Variants in CNGB1 observed in about 807,000 individuals in gnomAD.
CNGB1 encodes cyclic nucleotide gated channel subunit beta 1.
Under a neutral mutation model 151.7 loss-of-function variants are expected in CNGB1, and 126 were observed. The observed-to-expected ratio is 0.83, with a 90% CI of 0.72 to 0.96. CNGB1 has a LOEUF of 0.96. CNGB1 is among the 40% of genes least tolerant of loss of function. CNGB1 has a pLI of 0.00. For missense variants in CNGB1, 1,698 were observed against 1,627.0 expected, an observed-to-expected ratio of 1.04 and a Z score of -0.75; for synonymous variants, 623 against 635.1, an observed-to-expected ratio of 0.98 and a Z score of 0.29.
intron 17 of CNGB1, among the ~76,000 whole-genome samples, chr16:57,925,409 A>G (rs1487492663): frequency 6.6e-6 from 1 of 152,238 alleles, no homozygotes; most frequent in Non-Finnish European, 1.5e-5. Context: ...TGGGCATAAC[A>G]TGGTAGTACA....
At chr16:57,923,219 T>TCCCCCCCCC in intron 18 of CNGB1, 54 bp downstream of exon 18, 1 of 923,462 alleles carries the variant, frequency 1.1e-6, no homozygotes, top group East Asian at 3.3e-5. Flanking sequence ...CCCCCCCACA[T>TCCCCCCCCC]CCCCCACCCT....
At chr16:57,924,879 C>A (rs1961143476) in intron 17 of CNGB1, among the ~76,000 whole-genome samples, 1 of 152,230 alleles carries the variant, frequency 6.6e-6, no homozygotes, top group African/African-American at 2.4e-5. Flanking sequence ...GAGCCTGTTT[C>A]TTTTGCCTTC....
chr16:57,915,314 G>T lies in CNGB1; in HGVS notation c.2239C>A (p.Pro747Thr), dbSNP rs974336687. 3 of 1,613,906 alleles carry T rather than the reference G, an allele frequency of 1.9e-6. No homozygotes were observed. In the African/African-American group the frequency reaches 4.0e-5, roughly 22 times the overall value. ...RFKMDLLSLLPLDFLYLKVGV... is the reference protein window; with the variant it reads ...RFKMDLLSLLTLDFLYLKVGV... ...ACTTTCAAATAGAGAAAATCCAAGGGCAGGAGGCTGAGCAGGTCCATCTGA... is the reference window on the plus strand; with the variant it reads ...ACTTTCAAATAGAGAAAATCCAAGGTCAGGAGGCTGAGCAGGTCCATCTGA... The change falls in exon 23 of 33, where the codon CCC (proline) becomes ACC (threonine). Residue 747 changes from proline (P) to threonine (T), a missense_variant. Physicochemically the swap from Pro to Thr is conservative, Grantham distance 38. Coordinates refer to ENST00000251102, the MANE Select transcript of CNGB1 (RefSeq NM_001297.5).
In CNGB1 at chr16:57,961,059, C is replaced by T. The variant is rs547563257; in HGVS notation, c.459-144G>A. ...GTGGGGGCCTTGTCCTGGAAACTCT[C>T]AAAGGGCCCCAAGCGGGTGGGGAAA... On this transcript the variant is annotated intron_variant, in intron 7 of 32. Transcript: ENST00000251102. 8.0e-6 allele frequency: 6 copies of T among 753,670 alleles called. No individual in the cohort carries two copies. The South Asian group carries it at 9.1e-5, about 11-fold the overall frequency. The allele number at this position is 753,670 out of a possible 1,614,324, so 46.7% of individuals were successfully genotyped here.
At chr16:57,920,627 G>C in intron 18 of CNGB1, 83 bp from the exon 19 acceptor site, 1 of 1,552,688 alleles carries the variant, frequency 6.4e-7, no homozygotes, top group Non-Finnish European at 8.8e-7. Flanking sequence ...CAGCGTCTGT[G>C]TCCCACCTTC....
intron 16 of CNGB1, among the ~76,000 whole-genome samples, chr16:57,933,534 G>A (rs1000923781): frequency 1.3e-5 from 2 of 152,146 alleles, no homozygotes; most frequent in Non-Finnish European, 2.9e-5. Context: ...TCCAAGCTCA[G>A]AGGATACTGA....
chr16:57,903,042 C>G (rs1238283629), intron 27 of CNGB1, among the ~76,000 whole-genome samples: 1 of 152,012 alleles, frequency 6.6e-6, no homozygotes, highest in African/African-American at 2.4e-5. Flanking sequence ...AGCTCTAGAG[C>G]TGCCCCAGGA....
At chr16:57,947,452 G>A (rs79581943) in intron 14 of CNGB1, among the ~76,000 whole-genome samples, 3,296 of 152,318 alleles carry the variant, frequency 0.022, 57 homozygotes, top group Non-Finnish European at 0.036. Context: ...CATCTTGCTG[G>A]GACTGCAGGG....
chr16:57,965,156 A>G (rs1314334470), intron 2 of CNGB1, among the ~76,000 whole-genome samples: 1 of 152,250 alleles, frequency 6.6e-6, no homozygotes, highest in Admixed American at 6.5e-5. Flanking sequence ...ACATGAACAG[A>G]CATACAATGT....
Position 57,897,378 on chromosome 16 carries a change from C to A in CNGB1, c.3242+19G>T. 6.2e-7 allele frequency: 1 copy of A among 1,612,524 alleles called. No individual in the cohort carries two copies. On this transcript the variant is annotated intron_variant, in intron 31 of 32. Transcript: ENST00000251102. ...TTGTCCTTAGCAATTTTTTATTAAA[C>A]GAAAGAAAAGTTACATACCTGGCTT...
intron 16 of CNGB1, among the ~76,000 whole-genome samples, chr16:57,938,555 CA>C: frequency 6.6e-6 from 1 of 152,172 alleles, no homozygotes; most frequent in Non-Finnish European, 1.5e-5. Context: ...ATTTGGAAGT[CA>C]TGGTTCAGAC....
Position 57,960,183 on chromosome 16 carries a change from GA to G in CNGB1, c.584-119del. ...CAGGACTGAATGGGGAGCCCTTTGG[GA>G]CCACCTCACCCATCCCAATCCTCAA... On this transcript the variant is annotated intron_variant, in intron 9 of 32. Transcript: ENST00000251102. The G allele has an allele frequency of 9.4e-6, 14 of 1,490,112 alleles. No individual in the cohort carries two copies. The South Asian group carries it at 1.8e-4, about 19-fold the overall frequency. 92.3% of individuals were successfully genotyped at this position (1,490,112 alleles called of 1,614,324 possible).
rs1309094782 is a variant in CNGB1 at position 57,955,479 on chromosome 16, T to G, written c.874+1862A>C. ...GAATGGGGAAGGTAAGGGACACATA[T>G]CCCCCAGCCTCTCAGAGTCTCCCCA... On this transcript the variant is annotated intron_variant, in intron 12 of 32. Coordinates refer to ENST00000251102, the MANE Select transcript of CNGB1 (RefSeq NM_001297.5). 3.3e-6 allele frequency: 3 copies of G among 900,294 alleles called. No homozygotes were observed. The Admixed American group carries it at 6.2e-5, about 19-fold the overall frequency. 55.8% of individuals were successfully genotyped at this position (900,294 alleles called of 1,614,324 possible).
chr16:57,933,632 C>G (rs1961421315), intron 16 of CNGB1, among the ~76,000 whole-genome samples: 1 of 152,146 alleles, frequency 6.6e-6, no homozygotes, highest in Non-Finnish European at 1.5e-5. Context: ...ACCAGCAAGG[C>G]AGGCAGGGAT....
At chr16:57,957,483 C>A in intron 11 of CNGB1, 106 bp from the exon 12 acceptor site, 1 of 918,634 alleles carries the variant, frequency 1.1e-6, no homozygotes, top group Non-Finnish European at 1.8e-6. Context: ...CTCTCCGGGC[C>A]TTAGTTGTCC....
At chr16:57,894,097 T>C (rs1960163161) in intron 31 of CNGB1, among the ~76,000 whole-genome samples, 2 of 152,198 alleles carry the variant, frequency 1.3e-5, no homozygotes, top group Admixed American at 1.3e-4. Context: ...ATGCACACGG[T>C]TATTCGTTGC....
chr16:57,931,994 C>A, intron 16 of CNGB1, 116 bp from the exon 17 acceptor site: 1 of 1,119,458 alleles, frequency 8.9e-7, no homozygotes, highest in Admixed American at 2.0e-5. Flanking sequence ...ACTCTGATAG[C>A]TTCACTTCCC....
chr16:57,893,568 C>T (rs1415700567), intron 31 of CNGB1, among the ~76,000 whole-genome samples: 4 of 152,068 alleles, frequency 2.6e-5, no homozygotes, highest in Non-Finnish European at 5.9e-5. Flanking sequence ...GAGGCCAAGG[C>T]GGGCAGATCG....
chr16:57,922,431 C>CTTTCTTTTT (rs765693067), intron 18 of CNGB1, among the ~76,000 whole-genome samples: 1 of 136,538 alleles, frequency 7.3e-6, no homozygotes. Context: ...TTCTTTCTTT[C>CTTTCTTTTT]TTTTTTTTTT....
Sources: allele counts gnomAD v4.1 joint callset (sites outside exome capture counted in the v4.1 genomes callset), GRCh38; gene constraint gnomAD v4.1.1; transcripts MANE v1.5; gene names NCBI Gene and HGNC (gene_info 2026-07-23, HGNC 2026-07-21).